PRDM5: variants seen among roughly 807,000 people sequenced by gnomAD.
PRDM5 encodes PR domain zinc finger protein 5.
In PRDM5, 56 loss-of-function variants were observed where a neutral mutation model predicts 81.2. That is an observed-to-expected ratio of 0.69 (90% CI 0.56 to 0.86). The LOEUF (loss-of-function observed/expected upper bound fraction) is 0.86. Among genes scored for constraint, PRDM5 ranks in the 40% least tolerant of loss-of-function variants. PRDM5 has a pLI of 0.00. For missense variants in PRDM5, 697 were observed against 770.1 expected (o/e 0.91, Z 1.12); for synonymous variants, 267 against 256.4 (o/e 1.04, Z -0.39).
At chr4:120,742,525 CT>C (rs1429702819) in intron 14 of PRDM5, among the ~76,000 whole-genome samples, 4 of 151,930 alleles carry the variant, frequency 2.6e-5, no homozygotes, top group Non-Finnish European at 5.9e-5. Context: ...AAGTTGAAAA[CT>C]TTGAAAAAAA....
chr4:120,820,805 T>C (rs1481765484), intron 4 of PRDM5, among the ~76,000 whole-genome samples: 1 of 152,194 alleles, frequency 6.6e-6, no homozygotes, highest in Non-Finnish European at 1.5e-5. Flanking sequence ...TCTCAGAAAG[T>C]CAGCAACTTG....
intron 1 of PRDM5, among the ~76,000 whole-genome samples, chr4:120,922,008 C>G (rs186557672): frequency 3.1e-3 from 468 of 152,314 alleles, no homozygotes; most frequent in Non-Finnish European, 5.1e-3. Context: ...CTGCGTGGAG[C>G]GGCGCTCTGG....
At chr4:120,880,889 C>T (rs1031278734) in intron 2 of PRDM5, among the ~76,000 whole-genome samples, 3 of 152,086 alleles carry the variant, frequency 2.0e-5, no homozygotes, top group South Asian at 4.1e-4. Context: ...AATTTATCAA[C>T]TCTGGGTGTC....
At chr4:120,744,144 C>A (rs950237911) in intron 14 of PRDM5, among the ~76,000 whole-genome samples, 1 of 152,098 alleles carries the variant, frequency 6.6e-6, no homozygotes, top group African/African-American at 2.4e-5. Context: ...AACCGCTCAA[C>A]TACATGGAAA....
At chr4:120,819,137 A>G (rs1296561004) in intron 4 of PRDM5, among the ~76,000 whole-genome samples, 1 of 152,256 alleles carries the variant, frequency 6.6e-6, no homozygotes. Flanking sequence ...TCCCATCAGG[A>G]AGAGACAACT....
intron 13 of PRDM5, among the ~76,000 whole-genome samples, chr4:120,756,798 T>C (rs984420765): frequency 5.3e-5 from 8 of 152,226 alleles, no homozygotes; most frequent in Admixed American, 6.5e-5. Flanking sequence ...CTAAAATGTT[T>C]CCTTCTTATT....
chr4:120,852,658 T>C (rs1201690153), intron 3 of PRDM5, among the ~76,000 whole-genome samples: 4 of 151,864 alleles, frequency 2.6e-5, no homozygotes, highest in African/African-American at 9.7e-5. Flanking sequence ...ATTTTATATA[T>C]ACGTATATAT....
At chr4:120,868,158 T>C (rs577135192) in intron 2 of PRDM5, among the ~76,000 whole-genome samples, 4 of 152,332 alleles carry the variant, frequency 2.6e-5, no homozygotes, top group Admixed American at 6.5e-5. Flanking sequence ...GTTCTTGGGC[T>C]TTTTTACCTA....
chr4:120,829,950 A>G (rs1037713671), intron 3 of PRDM5, among the ~76,000 whole-genome samples: 9 of 152,152 alleles, frequency 5.9e-5, no homozygotes, highest in African/African-American at 1.9e-4. Flanking sequence ...AGAATGAAAC[A>G]GTAAAGATTT....
At chr4:120,833,200 T>C (rs1756929944) in intron 3 of PRDM5, among the ~76,000 whole-genome samples, 1 of 152,166 alleles carries the variant, frequency 6.6e-6, no homozygotes, top group Admixed American at 6.5e-5. Context: ...AATAAACGAT[T>C]AATGAGTTTT....
chr4:120,744,940 C>T (rs897648363), intron 14 of PRDM5, among the ~76,000 whole-genome samples: 1 of 132,282 alleles, frequency 7.6e-6, no homozygotes, highest in African/African-American at 2.9e-5. Flanking sequence ...ATAAGGCCAG[C>T]ATCATTCTGA....
At chr4:120,862,085 T>C (rs964696178) in intron 2 of PRDM5, among the ~76,000 whole-genome samples, 2 of 152,192 alleles carry the variant, frequency 1.3e-5, no homozygotes, top group Admixed American at 1.3e-4. Flanking sequence ...TTAATGATCT[T>C]AGCATAAAAA....
rs185496948 is a variant in PRDM5, at chr4:120,898,230, T to A, written c.177+9244A>T. 2.5e-3 allele frequency among the ~76,000 whole-genome samples: 381 copies of A among 152,256 alleles called. 5 individuals are homozygous for A. Among genetic ancestry groups the A allele is most frequent in the Non-Finnish European group, 3.1e-4 (21 of 68,014 alleles). Reference sequence around the variant, plus strand: ...GCCCTATGGTGCTTCCAATTCAAAGTATGGCATGCACTGAAAGCCTCTCCT... The same window carrying A: ...GCCCTATGGTGCTTCCAATTCAAAGAATGGCATGCACTGAAAGCCTCTCCT... On this transcript the variant is annotated intron_variant, in intron 2 of 15. Transcript: ENST00000264808.
At chr4:120,818,623 C>T (rs1754857993) in intron 4 of PRDM5, 96 bp from the exon 5 acceptor site, 11 of 1,014,006 alleles carry the variant, frequency 1.1e-5, no homozygotes, top group Admixed American at 3.7e-5. Flanking sequence ...ATTAATTGTG[C>T]TTAATGATAC....
intron 13 of PRDM5, among the ~76,000 whole-genome samples, chr4:120,759,493 A>G (rs184811956): frequency 1.3e-5 from 2 of 152,296 alleles, no homozygotes; most frequent in African/African-American, 4.8e-5. Flanking sequence ...AATAACTACT[A>G]AAGTCATTTT....
In PRDM5 at chr4:120,811,228, T is replaced by C. The variant is rs1753790534; in HGVS notation, c.945+142A>G. 6.0e-6 allele frequency: 3 copies of C among 503,962 alleles called. No homozygotes were observed. In the South Asian group the frequency reaches 1.2e-4, roughly 20 times the overall value. The allele number at this position is 503,962 out of a possible 1,614,324, so 31.2% of individuals were successfully genotyped here. A position where few individuals can be genotyped will look rare whatever the true frequency, so the allele number is the denominator to read the frequency against. The stretch of plus-strand genomic sequence containing the variant: ...AAATTATATTAAATAGTTGCTAATG[T>C]TGTTAGAGTTAATAATTGCCATTGA... On this transcript the variant is annotated intron_variant, in intron 8 of 15. Coordinates refer to ENST00000264808, the MANE Select transcript of PRDM5 (RefSeq NM_018699.4).
intron 14 of PRDM5, among the ~76,000 whole-genome samples, chr4:120,724,891 A>T (rs1739162646): frequency 6.6e-6 from 1 of 152,230 alleles, no homozygotes; most frequent in Non-Finnish European, 1.5e-5. Flanking sequence ...AGAGGAAATC[A>T]TATCAATATA....
intron 14 of PRDM5, among the ~76,000 whole-genome samples, chr4:120,753,586 T>C (rs1179074651): frequency 6.6e-6 from 1 of 152,048 alleles, no homozygotes; most frequent in Non-Finnish European, 1.5e-5. Context: ...CCGGGAAGAA[T>C]ATTATTATTA....
intron 13 of PRDM5, among the ~76,000 whole-genome samples, chr4:120,776,310 C>T (rs553000982): frequency 4.9e-4 from 74 of 152,170 alleles, no homozygotes; most frequent in Non-Finnish European, 6.2e-4. Flanking sequence ...CTTCCTCCAC[C>T]TATATCTAAT....
Sources: gnomAD v4.1 joint callset for allele counts (sites outside exome capture counted in the v4.1 genomes callset) on GRCh38, gnomAD v4.1.1 for gene constraint, MANE v1.5 for transcripts, NCBI Gene and HGNC (gene_info 2026-07-23, HGNC 2026-07-21) for gene names.